The following ZNF724 variants were observed in gnomAD, a reference collection of about 807,000 sequenced individuals.
ZNF724 encodes the protein zinc finger protein 724.
ZNF724 carries 14 observed loss-of-function variants against 29.3 expected under a neutral mutation model. That is an observed-to-expected ratio of 0.48 (90% CI 0.32 to 0.75). ZNF724 has a LOEUF of 0.75. Ranked by LOEUF, ZNF724 falls within the 30% of genes least tolerant of loss-of-function variation. The pLI, the probability that ZNF724 is intolerant of heterozygous loss-of-function variation, is 0.04. For missense variants in ZNF724, 557 were observed against 571.2 expected (o/e 0.98, Z 0.25); for synonymous variants, 180 against 193.6 (o/e 0.93, Z 0.58).
chr19:23,244,167 T>C (rs971648574), intron 1 of ZNF724, among the ~76,000 whole-genome samples: 22 of 152,126 alleles, frequency 1.4e-4, no homozygotes, highest in African/African-American at 5.1e-4. Context: ...TCTGGGTCCA[T>C]GCAGGCACGT....
In ZNF724 at chr19:23,231,345, C is replaced by T. The variant is rs1971931325; in HGVS notation, c.147G>A (p.Lys49=). 1 of 1,383,594 alleles carries T rather than the reference C, an allele frequency of 7.2e-7. No individual in the cohort carries two copies. The highest frequency in any genetic ancestry group is 1.0e-6 in the Non-Finnish European group (1 of 975,086). 85.7% of individuals were successfully genotyped at this position (1,383,594 alleles called of 1,614,324 possible). A position where few individuals can be genotyped will look rare whatever the true frequency, so the allele number is the denominator to read the frequency against. The change falls in exon 3 of 4, where the codon AAG becomes AAA. Residue 49 remains lysine, a synonymous_variant. Coordinates refer to ENST00000418100, the MANE Select transcript of ZNF724 (RefSeq NM_001355404.2). ...GCTCCAGACAGGTGATCAGGTCTGG[C>T]TTAGAGACAGCAATACCTGTTTTAT... ...NLVFLGIAVS[K]PDLITCLEQG...
rs749762477 is a variant in ZNF724, at chr19:23,222,896, T to C, written c.1349A>G (p.Tyr450Cys). The C allele has an allele frequency of 7.1e-7, 1 of 1,399,944 alleles. No homozygotes were observed. Among genetic ancestry groups the C allele is most frequent in the East Asian group, 2.3e-5 (1 of 43,864 alleles). 86.7% of individuals were successfully genotyped at this position (1,399,944 alleles called of 1,614,324 possible). The change falls in exon 4 of 4, where the codon TAC becomes TGC. Residue 450 changes from tyrosine to cysteine, a missense_variant. By Grantham distance (194) the Tyr-to-Cys change is radical (BLOSUM62 -2). Around this residue, in one of 3 missense-constraint regions of ZNF724, gnomAD observed 170 missense variants for 220.7 expected, o/e 0.77. Coordinates refer to ENST00000418100, the MANE Select transcript of ZNF724 (RefSeq NM_001355404.2). ...AGCTTTGCCACATTCTTTACATTTG[T>C]AGGGTTTCTCTCCAGTATGAATTAT... ...HKIIHTGEKP[Y>C]KCKECGKAFK...
chr19:23,240,326 G>A (rs1347817511), intron 1 of ZNF724, among the ~76,000 whole-genome samples: 1 of 150,534 alleles, frequency 6.6e-6, no homozygotes, highest in Admixed American at 6.6e-5. Context: ...CAAAAAGGAT[G>A]AAAACTGAGA....
chr19:23,231,371 TA>T lies in ZNF724; in HGVS notation c.131-11del. On this transcript the variant is annotated splice_polypyrimidine_tract_variant and intron_variant, in intron 2 of 3. Coordinates refer to ENST00000418100, the MANE Select transcript of ZNF724 (RefSeq NM_001355404.2). ...TTAGAGACAGCAATACCTGTTTTAT[TA>T]AAAATAAATAACATGAATGTTGCTC... is the stretch of plus-strand genomic sequence containing the variant. 1 of 1,331,180 alleles carries T rather than the reference TA, an allele frequency of 7.5e-7. No homozygotes were observed. Among genetic ancestry groups the T allele is most frequent in the Non-Finnish European group, 1.1e-6 (1 of 933,912 alleles). The allele number at this position is 1,331,180 out of a possible 1,614,324, so 82.5% of individuals were successfully genotyped here.
At chr19:23,227,570 A>AC (rs1971859115) in intron 3 of ZNF724, among the ~76,000 whole-genome samples, 1 of 88,174 alleles carries the variant, frequency 1.1e-5, no homozygotes, top group Non-Finnish European at 2.6e-5. Flanking sequence ...AAAAAAAAAA[A>AC]CAAAAAAAAA....
chr19:23,240,988 A>C (rs149665459), intron 1 of ZNF724, among the ~76,000 whole-genome samples: 34 of 152,152 alleles, frequency 2.2e-4, no homozygotes, highest in African/African-American at 6.7e-4. Flanking sequence ...AGCCAAGATC[A>C]CGCCAGTGCA....
Position 23,246,905 on chromosome 19 carries a change from T to A in ZNF724, c.3+3335A>T, listed in dbSNP as rs142580970. 2.8e-3 allele frequency among the ~76,000 whole-genome samples: 425 copies of A among 152,236 alleles called. 5 individuals are homozygous for A. Among genetic ancestry groups the A allele is most frequent in the African/African-American group, 9.3e-3 (386 of 41,526 alleles). Reference sequence around the variant, plus strand: ...CTAAAAGCTAATGCTTGAAATTGTGTTTGAAAACACTCAGGCAAAAAAACA... The same window carrying A: ...CTAAAAGCTAATGCTTGAAATTGTGATTGAAAACACTCAGGCAAAAAAACA... On this transcript the variant is annotated intron_variant, in intron 1 of 3. Transcript: ENST00000418100.
chr19:23,233,749 T>C (rs1389980163), intron 1 of ZNF724, among the ~76,000 whole-genome samples: 1 of 151,818 alleles, frequency 6.6e-6, no homozygotes, highest in Non-Finnish European at 1.5e-5. Flanking sequence ...ACACACAGCA[T>C]TCCGGAGGCA....
intron 3 of ZNF724, among the ~76,000 whole-genome samples, chr19:23,228,361 A>T (rs911735648): frequency 7.2e-5 from 11 of 151,940 alleles, no homozygotes; most frequent in African/African-American, 2.7e-4. Context: ...GAGACAGCAG[A>T]ATTGATCGAA....
At chr19:23,232,457 TCTCTAA>T (rs1465355267) in intron 1 of ZNF724, among the ~76,000 whole-genome samples, 164 bp from the exon 2 acceptor site, 1 of 152,206 alleles carries the variant, frequency 6.6e-6, no homozygotes, top group Non-Finnish European at 1.5e-5. Context: ...TCTGATGTAC[TCTCTAA>T]CTCTGAGAAA....
intron 3 of ZNF724, among the ~76,000 whole-genome samples, chr19:23,225,916 A>G (rs2145772507): frequency 6.6e-6 from 1 of 152,174 alleles, no homozygotes; most frequent in East Asian, 1.9e-4. Flanking sequence ...CAGTGGCAAG[A>G]TTATGGCTTA....
Position 23,221,763 on chromosome 19 carries a change from A to T in ZNF724, c.*622T>A, listed in dbSNP as rs1392417459. 1 of 152,698 alleles carries T rather than the reference A, an allele frequency of 6.5e-6. No homozygotes were observed. The highest frequency in any genetic ancestry group is 1.9e-4 in the East Asian group (1 of 5,206). 9.5% of individuals were successfully genotyped at this position (152,698 alleles called of 1,614,324 possible). A position where few individuals can be genotyped will look rare whatever the true frequency, so the allele number is the denominator to read the frequency against. ...CACCTAATTTTTGTATTTTGGGTAGAGATGGAGTTTCACCATGTTGGCCAG... is the reference window on the plus strand; with the variant it reads ...CACCTAATTTTTGTATTTTGGGTAGTGATGGAGTTTCACCATGTTGGCCAG... On this transcript the variant is annotated 3_prime_UTR_variant, in exon 4 of 4. Transcript: ENST00000418100.
chr19:23,246,608 C>T (rs1187784701), intron 1 of ZNF724, among the ~76,000 whole-genome samples: 6 of 151,536 alleles, frequency 4.0e-5, no homozygotes, highest in East Asian at 1.9e-4. Flanking sequence ...GAGCCAAGAT[C>T]GCACCATTGC....
Position 23,222,290 on chromosome 19 carries a change from GA to G in ZNF724, c.*94del. 1.6e-6 allele frequency: 1 copy of G among 633,170 alleles called. No homozygotes were observed. The highest frequency in any genetic ancestry group is 2.9e-5 in the Admixed American group (1 of 34,576). The allele number at this position is 633,170 out of a possible 1,614,324, so 39.2% of individuals were successfully genotyped here. Reference sequence around the variant, plus strand: ...TCCAGTAATTCTCTTCGTTGGCCAGGATGGTCTCAATCTCTTGATCTTGTGA... The same window carrying G: ...TCCAGTAATTCTCTTCGTTGGCCAGGTGGTCTCAATCTCTTGATCTTGTGA... On this transcript the variant is annotated 3_prime_UTR_variant, in exon 4 of 4. Transcript: ENST00000418100.
intron 3 of ZNF724, among the ~76,000 whole-genome samples, chr19:23,226,050 C>CTTT (rs35158570): frequency 1.1e-5 from 1 of 95,206 alleles, no homozygotes; most frequent in Non-Finnish European, 2.1e-5. Context: ...GAGAGAGGGT[C>CTTT]TTTTTTTTTT....
intron 1 of ZNF724, among the ~76,000 whole-genome samples, chr19:23,241,307 T>G (rs1972119632): frequency 6.6e-6 from 1 of 152,204 alleles, no homozygotes. Context: ...CACAGCTGAA[T>G]TCTACCAAGT....
intron 1 of ZNF724, among the ~76,000 whole-genome samples, chr19:23,248,819 ACT>A (rs1972291586): frequency 2.0e-5 from 3 of 151,822 alleles, no homozygotes; most frequent in Middle Eastern, 6.8e-3. Flanking sequence ...ACATACTGAA[ACT>A]CTGTCTCTAC....
At chr19:23,232,319 A>G in intron 1 of ZNF724, 26 bp from the exon 2 acceptor site, 1 of 1,157,312 alleles carries the variant, frequency 8.6e-7, no homozygotes, top group Non-Finnish European at 1.3e-6. Flanking sequence ...ACACATATTT[A>G]CGAAGTGGCC....
chr19:23,243,986 T>C (rs1371413920), intron 1 of ZNF724, among the ~76,000 whole-genome samples: 3 of 151,276 alleles, frequency 2.0e-5, no homozygotes, highest in Non-Finnish European at 2.9e-5. Context: ...GTGCTATGCT[T>C]AGTATCTTGG....
Sources: allele counts gnomAD v4.1 joint callset (sites outside exome capture counted in the v4.1 genomes callset), GRCh38; gene constraint gnomAD v4.1.1; regional missense constraint gnomAD v4.1.1; transcripts MANE v1.5; gene names NCBI Gene and HGNC (gene_info 2026-07-23, HGNC 2026-07-21).